ZNF653: variants seen among roughly 807,000 people sequenced by gnomAD.
ZNF653 encodes 67 kDa zinc finger protein.
Under a neutral mutation model 59.9 loss-of-function variants are expected in ZNF653, and 37 were observed. The observed-to-expected ratio is 0.62, with a 90% CI of 0.48 to 0.81. The LOEUF (loss-of-function observed/expected upper bound fraction) is 0.81, where lower values mean the gene tolerates loss of function less well. ZNF653 is among the 40% of genes least tolerant of loss of function. The pLI, the probability that ZNF653 is intolerant of heterozygous loss-of-function variation, is 0.00. For missense variants in ZNF653, 808 were observed against 881.1 expected (o/e 0.92, Z 1.05); for synonymous variants, 435 against 371.8 (o/e 1.17, Z -1.96).
intron 7 of ZNF653, 29 bp downstream of exon 7, chr19:11,485,627 T>C: frequency 6.3e-7 from 1 of 1,581,668 alleles, no homozygotes; most frequent in Non-Finnish European, 8.7e-7. Context: ...TGTCCCCCGC[T>C]CATGCTGCCA....
At chr19:11,485,130 G>A (rs547814664) in intron 7 of ZNF653, among the ~76,000 whole-genome samples, 3 of 151,852 alleles carry the variant, frequency 2.0e-5, no homozygotes, top group Admixed American at 6.6e-5. Flanking sequence ...AGAAGCTCTG[G>A]CCCTCAGGGC....
At chr19:11,486,518 A>C (rs1363112030) in intron 6 of ZNF653, among the ~76,000 whole-genome samples, 1 of 152,226 alleles carries the variant, frequency 6.6e-6, no homozygotes, top group East Asian at 1.9e-4. Flanking sequence ...TTACTAGAAC[A>C]ACCCTGGCTC....
At chr19:11,489,294 G>A (rs1971506241) in intron 3 of ZNF653, among the ~76,000 whole-genome samples, 1 of 152,018 alleles carries the variant, frequency 6.6e-6, no homozygotes, top group Non-Finnish European at 1.5e-5. Context: ...CTACCTCCCA[G>A]GTTCAAGCAA....
intron 1 of ZNF653, 133 bp downstream of exon 1, chr19:11,505,355 G>C (rs779140368): frequency 2.5e-5 from 24 of 973,078 alleles, no homozygotes; most frequent in Middle Eastern, 3.4e-4. Context: ...ACGAGACCCA[G>C]GCCGCCGGCC....
chr19:11,492,892 C>T (rs1376942408), intron 3 of ZNF653, among the ~76,000 whole-genome samples: 1 of 152,008 alleles, frequency 6.6e-6, no homozygotes, highest in Admixed American at 6.6e-5. Context: ...AGTACAGGCA[C>T]ACACCACCAC....
In ZNF653 at chr19:11,496,126, A is replaced by G; in HGVS notation, c.383T>C (p.Ile128Thr). 2 of 1,614,014 alleles carry G rather than the reference A, an allele frequency of 1.2e-6. No individual in the cohort carries two copies. The highest frequency in any genetic ancestry group is 1.7e-6 in the Non-Finnish European group (2 of 1,180,002). The change falls in exon 3 of 9, where the codon ATC becomes ACC. Residue 128 changes from isoleucine (I) to threonine (T), a missense_variant. Ile to Thr is a moderately conservative substitution (Grantham distance 89). Coordinates refer to ENST00000293771, the MANE Select transcript of ZNF653 (RefSeq NM_138783.4). ...GCGGTGCTTGTGGTCCTCGTACCAG[A>G]TCACCACGTTCTTCAGGCAGTTCAC... ...RNVNCLKNVV[I>T]WYEDHKHRCP...
chr19:11,485,377 C>T (rs1205254594), intron 7 of ZNF653, among the ~76,000 whole-genome samples: 1 of 152,112 alleles, frequency 6.6e-6, no homozygotes, highest in Non-Finnish European at 1.5e-5. Flanking sequence ...CTCCCTAAGT[C>T]TCGCATGAGA....
In ZNF653 at chr19:11,485,779, G is replaced by A. The variant is rs778301320; in HGVS notation, c.1456-9C>T. 2.4e-5 allele frequency: 39 copies of A among 1,608,990 alleles called. No homozygotes were observed. The highest frequency in any genetic ancestry group is 1.7e-4 in the Middle Eastern group (1 of 6,052). On this transcript the variant is annotated splice_polypyrimidine_tract_variant and intron_variant, in intron 6 of 8. Transcript: ENST00000293771. ...ACAAGATTGACGTGGTTCTGGAGAC[G>A]AGACAGGCAGAAGTGGGTCCCATAG...
chr19:11,496,188 T>A (rs909966083), intron 2 of ZNF653, 23 bp from the exon 3 acceptor site: 1 of 1,608,278 alleles, frequency 6.2e-7, no homozygotes, highest in African/African-American at 1.3e-5. Flanking sequence ...GGCCGAGGAG[T>A]GGGTATAAGG....
At chr19:11,498,775 G>A (rs1971614738) in intron 1 of ZNF653, among the ~76,000 whole-genome samples, 1 of 147,370 alleles carries the variant, frequency 6.8e-6, no homozygotes, top group East Asian at 2.0e-4. Flanking sequence ...GACAATGTCT[G>A]TCTCTGTTGC....
At chr19:11,493,350 GC>G (rs1971548942) in intron 3 of ZNF653, among the ~76,000 whole-genome samples, 1 of 151,610 alleles carries the variant, frequency 6.6e-6, no homozygotes, top group African/African-American at 2.4e-5. Context: ...GAGCCACCGT[GC>G]CCAGCCTTTG....
At chr19:11,496,642 C>T (rs959799735) in intron 2 of ZNF653, among the ~76,000 whole-genome samples, 2 of 152,138 alleles carry the variant, frequency 1.3e-5, no homozygotes, top group African/African-American at 4.8e-5. Flanking sequence ...CAGAGGCAGG[C>T]GGATCACTTA....
In ZNF653 at chr19:11,483,587, G is replaced by C. The variant is rs763672243; in HGVS notation, c.*95C>G. 1.6e-4 allele frequency: 235 copies of C among 1,471,934 alleles called. 1 individual carries two copies. In the African/African-American group the frequency reaches 2.9e-3, roughly 18 times the overall value. The allele number at this position is 1,471,934 out of a possible 1,614,324, so 91.2% of individuals were successfully genotyped here. The stretch of plus-strand genomic sequence containing the variant: ...GCGGGGGCGCCTCCTTCCGGCCCGC[G>C]GTCCGGGCGGCCCTCGCAGCTGTCC... On this transcript the variant is annotated 3_prime_UTR_variant, in exon 9 of 9. Coordinates refer to ENST00000293771, the MANE Select transcript of ZNF653 (RefSeq NM_138783.4).
intron 2 of ZNF653, among the ~76,000 whole-genome samples, chr19:11,496,740 G>A (rs1832160081): frequency 1.3e-5 from 2 of 152,226 alleles, no homozygotes; most frequent in Non-Finnish European, 2.9e-5. Context: ...GGTGGTGTAT[G>A]CCTTTTGTCC....
Position 11,505,702 on chromosome 19 carries a change from C to G in ZNF653, c.85G>C (p.Ala29Pro). 6.7e-7 allele frequency: 1 copy of G among 1,485,458 alleles called. No individual in the cohort carries two copies. The highest frequency in any genetic ancestry group is 2.9e-5 in the East Asian group (1 of 35,024). 92.0% of individuals were successfully genotyped at this position (1,485,458 alleles called of 1,614,324 possible). A position where few individuals can be genotyped will look rare whatever the true frequency, so the allele number is the denominator to read the frequency against. The change falls in exon 1 of 9, where the codon GCG (alanine) becomes CCG (proline). Residue 29 changes from alanine (A) to proline (P), a missense_variant. Coordinates refer to ENST00000293771, the MANE Select transcript of ZNF653 (RefSeq NM_138783.4). The part of the protein sequence containing the change: ...GGEAAAEEGA[A>P]GRKARGRPRL... ...GGCCGGCCCCGCGCCTTTCGGCCCG[C>G]TGCGCCCTCCTCGGCTGCTGCCTCC...
Position 11,487,655 on chromosome 19 carries a change from G to A in ZNF653, c.808C>T (p.Pro270Ser). 1 of 1,613,890 alleles carries A rather than the reference G, an allele frequency of 6.2e-7. No individual in the cohort carries two copies. Among genetic ancestry groups the A allele is most frequent in the Non-Finnish European group, 8.5e-7 (1 of 1,179,976 alleles). ...PLCSNPAGNG[P>S]EALETVVCVP... ...CACACCACTGTCTCCAGGGCTTCAG[G>A]CCCATTGCCTGCTGGGTTGGAGCAC... Residue 270 changes from proline to serine, a missense_variant, in exon 4 of 9, where the codon CCT becomes TCT. By Grantham distance (74) the Pro-to-Ser change is moderately conservative. Coordinates refer to ENST00000293771, the MANE Select transcript of ZNF653 (RefSeq NM_138783.4). This position sits in a 1 kb window ranked among gnomAD's most constrained non-coding sequence, Gnocchi z 5.1.
intron 2 of ZNF653, 81 bp downstream of exon 2, chr19:11,498,215 C>T: frequency 1.3e-6 from 2 of 1,599,028 alleles, no homozygotes; most frequent in South Asian, 1.1e-5. Context: ...AGGGCAGCGA[C>T]CTGGCCTCTC....
intron 1 of ZNF653, among the ~76,000 whole-genome samples, chr19:11,502,933 C>T (rs943279246): frequency 6.6e-6 from 1 of 151,788 alleles, no homozygotes; most frequent in East Asian, 1.9e-4. Flanking sequence ...ACTCGGGAGG[C>T]TGAGGCAGGA....
chr19:11,485,512 T>C (rs540854206), intron 7 of ZNF653, 144 bp downstream of exon 7: 8 of 616,958 alleles, frequency 1.3e-5, no homozygotes, highest in Admixed American at 2.9e-5. Flanking sequence ...TACAGCTTAC[T>C]GAGGACAGGG....
Sources: gnomAD v4.1 joint callset for allele counts (sites outside exome capture counted in the v4.1 genomes callset) on GRCh38, gnomAD v4.1.1 for gene constraint, Gnocchi (gnomAD v3.1) non-coding constraint, MANE v1.5 for transcripts, NCBI Gene and HGNC (gene_info 2026-07-23, HGNC 2026-07-21) for gene names.